Variants in PCDHGB6 observed in about 807,000 individuals in gnomAD.
The protein encoded by PCDHGB6 is protocadherin gamma-B6.
PCDHGB6 carries 51 observed loss-of-function variants against 59.1 expected under a neutral mutation model. The ratio of observed to expected loss-of-function variants is 0.86; its 90% CI spans 0.69 to 1.09. PCDHGB6 has a LOEUF of 1.09. Ranked by LOEUF, PCDHGB6 falls within the 50% of genes least tolerant of loss-of-function variation. The pLI is 0.00. For synonymous variants in PCDHGB6, 466 were observed against 495.1 expected (o/e 0.94, Z 0.78); for missense variants, 1,148 against 1,205.1 (o/e 0.95, Z 0.70).
intron 3 of PCDHGB6, 31 bp downstream of exon 3, chr5:141,505,512 T>C (rs754223095): frequency 6.2e-7 from 1 of 1,613,676 alleles, no homozygotes; most frequent in South Asian, 1.1e-5. Context: ...TATGGAAGAG[T>C]GGGAGACCTG....
At chr5:141,414,668 A>C in intron 1 of PCDHGB6, 1 of 1,613,856 alleles carries the variant, frequency 6.2e-7, no homozygotes, top group East Asian at 2.2e-5. Context: ...CTGGCTGAAG[A>C]CACCATCCAG....
intron 1 of PCDHGB6, chr5:141,414,532 C>T (rs747661760): frequency 1.9e-6 from 3 of 1,613,930 alleles, no homozygotes; most frequent in Admixed American, 3.3e-5. Flanking sequence ...CAATGACAAC[C>T]CACCTACCTT....
At position 141,410,392 on chromosome 5, in the gene PCDHGB6, T is replaced by C; in HGVS notation, c.2190T>C (p.Gly730=). The C allele has an allele frequency of 6.2e-7, 1 of 1,614,050 alleles. No individual in the cohort carries two copies. Among genetic ancestry groups the C allele is most frequent in the African/African-American group, 1.3e-5 (1 of 75,062 alleles). The part of the protein sequence containing the change: ...SPATWDCFHP[G]LCVKSGPVVP... ...CTACTTGGGACTGCTTCCATCCTGG[T>C]CTCTGTGTCAAGTCTGGACCTGTAG... Residue 730 remains glycine, a synonymous_variant, in exon 1 of 4, where the codon GGT becomes GGC. Coordinates refer to ENST00000520790, the MANE Select transcript of PCDHGB6 (RefSeq NM_018926.3).
chr5:141,479,710 T>C (rs901198074), intron 1 of PCDHGB6: 1 of 152,264 alleles, frequency 6.6e-6, no homozygotes, highest in African/African-American at 2.4e-5. Flanking sequence ...GTCCCTGTCC[T>C]TCCAGCCTTA....
At chr5:141,478,506 ATAGGCAGGTGTTGGG>A in intron 1 of PCDHGB6, 1 of 1,612,314 alleles carries the variant, frequency 6.2e-7, no homozygotes, top group Non-Finnish European at 8.5e-7. Context: ...CCGGTGTTCT[ATAGGCAGGTGTTGGG>A]TGCAGAGAGC....
At chr5:141,430,784 G>T in intron 1 of PCDHGB6, 1 of 1,512,418 alleles carries the variant, frequency 6.6e-7, no homozygotes, top group East Asian at 2.3e-5. Flanking sequence ...ACTGCACCGG[G>T]ACTACAAAGG....
Position 141,491,663 on chromosome 5 carries a change from T to G in PCDHGB6, c.2419-3144T>G, listed in dbSNP as rs895604632. ...GCTCTGGCGCTGGAGCCTGACGCCA[T>G]CCGGTCCCGCTCTAATACGCTGCGG... On this transcript the variant is annotated intron_variant, in intron 1 of 3. Coordinates refer to ENST00000520790, the MANE Select transcript of PCDHGB6 (RefSeq NM_018926.3). The surrounding 1 kb of genome is among the most constrained non-coding windows in gnomAD (Gnocchi z 6.9). The G allele has an allele frequency of 3.1e-6, 5 of 1,613,650 alleles. No homozygotes were observed. Among genetic ancestry groups the G allele is most frequent in the Non-Finnish European group, 4.2e-6 (5 of 1,180,014 alleles).
At chr5:141,452,792 A>AT (rs745523252) in intron 1 of PCDHGB6, among the ~76,000 whole-genome samples, 15 of 152,178 alleles carry the variant, frequency 9.9e-5, no homozygotes, top group Admixed American at 2.0e-4. Context: ...ACATACCATC[A>AT]TTTTTGCTGT....
chr5:141,469,476 G>A (rs2154570344), intron 1 of PCDHGB6, among the ~76,000 whole-genome samples: 1 of 152,246 alleles, frequency 6.6e-6, no homozygotes, highest in South Asian at 2.1e-4. Context: ...TCGGGAGGCT[G>A]AGGCAGGAGA....
rs1561748501 is a variant in PCDHGB6 at position 141,414,351 on chromosome 5, G to GT, written c.2418+3732dup. On this transcript the variant is annotated intron_variant, in intron 1 of 3. Coordinates refer to ENST00000520790, the MANE Select transcript of PCDHGB6 (RefSeq NM_018926.3). ...GACAGGTAACCTGTTCCATTTTGGC[G>GT]TATCTACCATTTAAATTAGAAAAGT... 2.5e-6 allele frequency: 4 copies of GT among 1,613,794 alleles called. No individual in the cohort carries two copies. The South Asian group carries it at 3.3e-5, about 13-fold the overall frequency.
intron 1 of PCDHGB6, chr5:141,413,078 C>T: frequency 7.7e-7 from 1 of 1,301,152 alleles, no homozygotes; most frequent in Non-Finnish European, 1.1e-6. Flanking sequence ...AGTGCCCAGG[C>T]TACAGAGACA....
chr5:141,427,712 C>T, intron 1 of PCDHGB6: 2 of 1,051,468 alleles, frequency 1.9e-6, no homozygotes, highest in African/African-American at 1.6e-5. Context: ...GCGCCTCTGA[C>T]CTGGACCTAG....
At chr5:141,449,080 A>G (rs2098627421) in intron 1 of PCDHGB6, among the ~76,000 whole-genome samples, 1 of 152,198 alleles carries the variant, frequency 6.6e-6, no homozygotes, top group Non-Finnish European at 1.5e-5. Context: ...CCCTGTACCT[A>G]CATCAGTTTT....
At chr5:141,494,362 A>T (rs527454959) in intron 1 of PCDHGB6, among the ~76,000 whole-genome samples, 47 of 152,300 alleles carry the variant, frequency 3.1e-4, no homozygotes, top group Admixed American at 8.5e-4. Context: ...GCTGCAGAGG[A>T]TGCTTTGTTC....
intron 1 of PCDHGB6, among the ~76,000 whole-genome samples, chr5:141,450,616 A>G (rs2098687684): frequency 6.6e-6 from 1 of 151,486 alleles, no homozygotes; most frequent in African/African-American, 2.4e-5. Flanking sequence ...CCTCCTGAGT[A>G]GCTGGGATTA....
At chr5:141,470,252 C>T (rs1010559144) in intron 1 of PCDHGB6, among the ~76,000 whole-genome samples, 3 of 152,160 alleles carry the variant, frequency 2.0e-5, no homozygotes, top group Admixed American at 1.3e-4. Context: ...TCCCACCTGT[C>T]TAAATGGAGA....
At chr5:141,482,999 T>G (rs1031397558) in intron 1 of PCDHGB6, among the ~76,000 whole-genome samples, 3 of 151,950 alleles carry the variant, frequency 2.0e-5, no homozygotes, top group Non-Finnish European at 2.9e-5. Flanking sequence ...GCAGGAGAAT[T>G]GCTTGAACCC....
intron 3 of PCDHGB6, among the ~76,000 whole-genome samples, chr5:141,506,138 G>T (rs983643755): frequency 6.6e-6 from 1 of 152,134 alleles, no homozygotes; most frequent in African/African-American, 2.4e-5. Flanking sequence ...AGGAGAAGAA[G>T]AATATCATTT....
chr5:141,495,205 C>T (rs977479495), intron 2 of PCDHGB6, among the ~76,000 whole-genome samples: 1 of 152,212 alleles, frequency 6.6e-6, no homozygotes, highest in African/African-American at 2.4e-5. Flanking sequence ...TACTGCCTAA[C>T]CCCCTCCCCT....
Sources: gnomAD v4.1 joint callset for allele counts (sites outside exome capture counted in the v4.1 genomes callset) on GRCh38, gnomAD v4.1.1 for gene constraint, Gnocchi (gnomAD v3.1) non-coding constraint, MANE v1.5 for transcripts, NCBI Gene and HGNC (gene_info 2026-07-23, HGNC 2026-07-21) for gene names.